The following CYP2C19 variants were observed in gnomAD, a reference collection of about 807,000 sequenced individuals.
The protein encoded by CYP2C19 is cytochrome P450 family 2 subfamily C member 19.
Under a neutral mutation model 40.9 loss-of-function variants are expected in CYP2C19, and 59 were observed. That is an observed-to-expected ratio of 1.44 (90% CI 1.17 to 1.79). CYP2C19 has a LOEUF of 1.79. Ranked by LOEUF, CYP2C19 falls within the 40% of genes most tolerant of loss-of-function variation. The pLI is 0.00. For missense variants in CYP2C19, 754 were observed against 596.9 expected (o/e 1.26, Z -2.74); for synonymous variants, 253 against 208.7 (o/e 1.21, Z -1.83).
intron 5 of CYP2C19, among the ~76,000 whole-genome samples, chr10:94,786,640 G>T (rs563143903): frequency 5.3e-5 from 8 of 152,058 alleles, no homozygotes; most frequent in Non-Finnish European, 1.2e-4. Flanking sequence ...CATCACCCAG[G>T]TAGTGAGAAT....
chr10:94,850,745 G>A (rs928504832), intron 8 of CYP2C19, among the ~76,000 whole-genome samples: 6 of 152,186 alleles, frequency 3.9e-5, no homozygotes, highest in Admixed American at 3.9e-4. Context: ...GAGATAATGA[G>A]CCACAGGAGC....
intron 6 of CYP2C19, among the ~76,000 whole-genome samples, chr10:94,824,256 A>G (rs776104252): frequency 1.3e-5 from 2 of 152,208 alleles, no homozygotes; most frequent in Admixed American, 6.6e-5. Context: ...GTGTGGAAAA[A>G]TTAGTGTGTC....
chr10:94,791,438 G>A (rs1185188440), intron 5 of CYP2C19, among the ~76,000 whole-genome samples: 1 of 152,038 alleles, frequency 6.6e-6, no homozygotes, highest in Non-Finnish European at 1.5e-5. Context: ...TGCTTCTCTA[G>A]TTCTTTTAAT....
intron 6 of CYP2C19, among the ~76,000 whole-genome samples, chr10:94,827,045 G>C (rs1050456695): frequency 6.6e-6 from 1 of 152,046 alleles, no homozygotes; most frequent in Non-Finnish European, 1.5e-5. Flanking sequence ...TTTTTGATGT[G>C]CTGCTGGATT....
intron 1 of CYP2C19, 145 bp from the exon 2 acceptor site, chr10:94,774,913 T>C (rs1211365486): frequency 1.2e-6 from 1 of 852,592 alleles, no homozygotes; most frequent in African/African-American, 1.7e-5. Context: ...ATCATCATCA[T>C]GTTTATATAT....
chr10:94,778,773 A>G (rs1331426310), intron 3 of CYP2C19, among the ~76,000 whole-genome samples: 1 of 152,194 alleles, frequency 6.6e-6, no homozygotes, highest in Non-Finnish European at 1.5e-5. Context: ...GTATATACCC[A>G]AAGGGCTATA....
In CYP2C19 at chr10:94,850,170, C is replaced by A. The variant is rs1421282336; in HGVS notation, c.1291+112C>A. On this transcript the variant is annotated intron_variant, in intron 8 of 8. Coordinates refer to ENST00000371321, the MANE Select transcript of CYP2C19 (RefSeq NM_000769.4). ...GGTACAGTTACTCTTTGTACATGAT[C>A]AAGAGCACTGTTCTGAATGCCTGTG... 3.2e-6 allele frequency: 4 copies of A among 1,261,596 alleles called. No homozygotes were observed. The East Asian group carries it at 9.3e-5, about 29-fold the overall frequency. 78.2% of individuals were successfully genotyped at this position (1,261,596 alleles called of 1,614,324 possible). A position where few individuals can be genotyped will look rare whatever the true frequency, so the allele number is the denominator to read the frequency against.
intron 5 of CYP2C19, among the ~76,000 whole-genome samples, chr10:94,796,140 T>C (rs1848682847): frequency 6.6e-6 from 1 of 152,188 alleles, no homozygotes; most frequent in South Asian, 2.1e-4. Context: ...AGGTCTAACA[T>C]GTAAGTCTTT....
intron 5 of CYP2C19, among the ~76,000 whole-genome samples, chr10:94,784,016 T>C (rs1417186576): frequency 6.6e-6 from 1 of 152,180 alleles, no homozygotes; most frequent in Non-Finnish European, 1.5e-5. Context: ...TTTCAAAATG[T>C]TTTTATCACG....
intron 7 of CYP2C19, among the ~76,000 whole-genome samples, chr10:94,845,125 G>T (rs1402967624): frequency 6.6e-6 from 1 of 152,130 alleles, no homozygotes; most frequent in African/African-American, 2.4e-5. Context: ...GTGTTCTTCT[G>T]CTACAGGCTG....
chr10:94,796,455 T>A (rs1161664094), intron 5 of CYP2C19, among the ~76,000 whole-genome samples: 1 of 152,212 alleles, frequency 6.6e-6, no homozygotes, highest in Non-Finnish European at 1.5e-5. Flanking sequence ...TTCTTTTGGC[T>A]TAGGATTGAC....
chr10:94,768,768 G>T (rs371089961), intron 1 of CYP2C19, among the ~76,000 whole-genome samples: 1 of 152,104 alleles, frequency 6.6e-6, no homozygotes, highest in African/African-American at 2.4e-5. Flanking sequence ...TGTTTCACGA[G>T]TCTGAGTAAG....
At chr10:94,848,222 A>G (rs1343975900) in intron 7 of CYP2C19, among the ~76,000 whole-genome samples, 2 of 152,206 alleles carry the variant, frequency 1.3e-5, no homozygotes, top group African/African-American at 4.8e-5. Flanking sequence ...TCTAACATTT[A>G]AGTCTTTGAT....
At chr10:94,764,389 A>G (rs573097336) in intron 1 of CYP2C19, among the ~76,000 whole-genome samples, 1 of 152,182 alleles carries the variant, frequency 6.6e-6, no homozygotes, top group African/African-American at 2.4e-5. Flanking sequence ...GTGCATTTTT[A>G]CAGTGTTGAT....
Position 94,845,906 on chromosome 10 carries a change from T to C in CYP2C19, c.1149+2882T>C, listed in dbSNP as rs60223717. ...TTACACACATATATCTATATGTACA[T>C]ATGGCAGTGTGTATATATATCTACT... is the stretch of plus-strand genomic sequence containing the variant. On this transcript the variant is annotated intron_variant, in intron 7 of 8. Transcript: ENST00000371321. Among the ~76,000 whole-genome samples, 710 of 152,202 alleles carry C rather than the reference T, an allele frequency of 4.7e-3. 3 individuals carry two copies. Among genetic ancestry groups the C allele is most frequent in the African/African-American group, 0.017 (687 of 41,556 alleles).
intron 6 of CYP2C19, among the ~76,000 whole-genome samples, chr10:94,828,720 T>G (rs1307235119): frequency 6.6e-6 from 1 of 151,830 alleles, no homozygotes; most frequent in Admixed American, 6.6e-5. Context: ...TGTTAGCTGG[T>G]TATTTTGCTC....
At chr10:94,820,410 G>A (rs56311729) in intron 5 of CYP2C19, 86 bp from the exon 6 acceptor site, 118 of 1,456,538 alleles carry the variant, frequency 8.1e-5, no homozygotes, top group Non-Finnish European at 1.0e-4. Flanking sequence ...ATGTTGGTAA[G>A]TATACAATGT....
At chr10:94,776,818 AAG>A (rs1294247155) in intron 3 of CYP2C19, among the ~76,000 whole-genome samples, 1 of 152,160 alleles carries the variant, frequency 6.6e-6, no homozygotes, top group African/African-American at 2.4e-5. Context: ...AGGCAAGAGA[AAG>A]AAATAAATGG....
chr10:94,769,281 C>T (rs1358881091), intron 1 of CYP2C19, among the ~76,000 whole-genome samples: 1 of 152,130 alleles, frequency 6.6e-6, no homozygotes, highest in East Asian at 1.9e-4. Flanking sequence ...GAACAGAGTG[C>T]CTGGACCTGA....
Sources: gnomAD v4.1 joint callset for allele counts (sites outside exome capture counted in the v4.1 genomes callset) on GRCh38, gnomAD v4.1.1 for gene constraint, MANE v1.5 for transcripts, NCBI Gene and HGNC (gene_info 2026-07-23, HGNC 2026-07-21) for gene names.